The following DLG2 variants were observed in gnomAD, a reference collection of about 807,000 sequenced individuals.
The protein encoded by DLG2 is discs large MAGUK scaffold protein 2.
A neutral mutation model predicts 132.5 loss-of-function variants in DLG2; 45 were observed. That is an observed-to-expected ratio of 0.34 (90% confidence interval 0.27 to 0.44). DLG2 has a LOEUF of 0.44. Among genes scored for constraint, DLG2 ranks in the 20% least tolerant of loss-of-function variants. DLG2 has a pLI of 1.00. For synonymous variants in DLG2, 424 were observed against 419.6 expected (o/e 1.01, Z -0.13); for missense variants, 1,045 against 1,196.9 (o/e 0.87, Z 1.87).
chr11:85,322,087 C>A (rs919593704), intron 3 of DLG2, among the ~76,000 whole-genome samples: 2 of 152,052 alleles, frequency 1.3e-5, no homozygotes, highest in African/African-American at 2.4e-5. Context: ...ACTCTCCAAA[C>A]CTTATCATCA....
chr11:83,866,610 G>A (rs150739812), intron 16 of DLG2, among the ~76,000 whole-genome samples: 7 of 152,210 alleles, frequency 4.6e-5, no homozygotes, highest in African/African-American at 1.2e-4. Context: ...ATATAACAAC[G>A]AGGAGAAAGT....
At position 84,468,929 on chromosome 11, in the gene DLG2, T is replaced by C. The variant is rs543272492; in HGVS notation, c.519+65641A>G. ...GTAAGGAATTAGTAGGAAATTAGAATCAGGTAGTAAATTCCTAGTTCACCT... is the reference window on the plus strand; with the variant it reads ...GTAAGGAATTAGTAGGAAATTAGAACCAGGTAGTAAATTCCTAGTTCACCT... On this transcript the variant is annotated intron_variant, in intron 7 of 27. Transcript: ENST00000376104. Among the ~76,000 whole-genome samples the C allele has an allele frequency of 4.6e-5, 7 of 151,638 alleles. No homozygotes were observed. The South Asian group carries it at 1.5e-3, about 31-fold the overall frequency.
chr11:85,534,824 A>G (rs2075463139), intron 3 of DLG2, among the ~76,000 whole-genome samples: 1 of 152,170 alleles, frequency 6.6e-6, no homozygotes, highest in Non-Finnish European at 1.5e-5. Flanking sequence ...CTTTTTGGTA[A>G]AATAACTTAT....
chr11:84,549,715 A>G (rs1314280914), intron 6 of DLG2, among the ~76,000 whole-genome samples: 1 of 152,114 alleles, frequency 6.6e-6, no homozygotes, highest in Admixed American at 6.6e-5. Context: ...GCCTCCTAAC[A>G]GGTGCTTAGG....
rs554870324 is a variant in DLG2, at chr11:84,454,397, A to G, written c.519+80173T>C. The stretch of plus-strand genomic sequence containing the variant: ...TGTAGAATAGAACAATCGCTTTGGG[A>G]ATGTTAAATACTGCAACCACTTCAG... On this transcript the variant is annotated intron_variant, in intron 7 of 27. Transcript: ENST00000376104. Among the ~76,000 whole-genome samples the G allele has an allele frequency of 5.9e-5, 9 of 151,660 alleles. No individual in the cohort carries two copies. The South Asian group carries it at 1.9e-3, about 31-fold the overall frequency.
At chr11:84,642,194 T>C (rs2099668122) in intron 6 of DLG2, among the ~76,000 whole-genome samples, 1 of 149,750 alleles carries the variant, frequency 6.7e-6, no homozygotes, top group Admixed American at 6.6e-5. Context: ...GGAGCTTGAA[T>C]TACCAAACCT....
rs12288770 is a variant in DLG2 at position 83,930,162 on chromosome 11, C to T, written c.1496+166G>A. ...CAGGGAATAAAACAAAACAAAAAGG[C>T]AATGTTCTTAATTTCTCCCATTGCA... On this transcript the variant is annotated intron_variant, in intron 15 of 27. Coordinates refer to ENST00000376104, the MANE Select transcript of DLG2 (RefSeq NM_001142699.3). 8.7e-3 allele frequency among the ~76,000 whole-genome samples: 1,326 copies of T among 152,268 alleles called. 20 individuals are homozygous for T. Among genetic ancestry groups the T allele is most frequent in the African/African-American group, 0.029 (1,225 of 41,542 alleles).
At chr11:84,074,999 C>G (rs1381426842) in intron 10 of DLG2, among the ~76,000 whole-genome samples, 1 of 152,164 alleles carries the variant, frequency 6.6e-6, no homozygotes, top group Non-Finnish European at 1.5e-5. Flanking sequence ...TCCCCTAGCT[C>G]TGTCTCCTAG....
intron 18 of DLG2, among the ~76,000 whole-genome samples, chr11:83,783,792 A>G (rs372826969): frequency 2.0e-5 from 3 of 152,262 alleles, no homozygotes. Context: ...CCACATTTCC[A>G]TGGTGCACTC....
intron 6 of DLG2, among the ~76,000 whole-genome samples, chr11:84,821,871 C>T (rs1307161031): frequency 2.0e-5 from 3 of 151,554 alleles, no homozygotes; most frequent in African/African-American, 7.3e-5. Flanking sequence ...GGATGGAAAA[C>T]AATGCTAACT....
At chr11:83,874,166 GAAAGAGAA>G (rs2154067140) in intron 16 of DLG2, among the ~76,000 whole-genome samples, 1 of 141,294 alleles carries the variant, frequency 7.1e-6, no homozygotes, top group South Asian at 2.3e-4. Context: ...AAGAAAGATA[GAAAGAGAA>G]AGAGAGAAAA....
intron 18 of DLG2, among the ~76,000 whole-genome samples, chr11:83,783,108 G>C (rs538324184): frequency 6.6e-6 from 1 of 152,192 alleles, no homozygotes; most frequent in Admixed American, 6.5e-5. Context: ...CAAAGTAAGT[G>C]CATGATAAAA....
At chr11:85,537,575 C>T (rs1480043654) in intron 3 of DLG2, among the ~76,000 whole-genome samples, 1 of 149,182 alleles carries the variant, frequency 6.7e-6, no homozygotes, top group Non-Finnish European at 1.5e-5. Context: ...TCCAGACGTG[C>T]CACCTTTGTG....
Position 84,795,218 on chromosome 11 carries a change from C to T in DLG2, c.358-260487G>A, listed in dbSNP as rs187188738. ...TGACCTGCCTGTGGAGAGGAGCTCC[C>T]CACTGTGGGTCTCCTCTTTGCTTAG... On this transcript the variant is annotated intron_variant, in intron 6 of 27. Transcript: ENST00000376104. Among the ~76,000 whole-genome samples the T allele has an allele frequency of 2.6e-5, 4 of 152,322 alleles. No homozygotes were observed. In the East Asian group the frequency reaches 5.8e-4, roughly 22 times the overall value.
chr11:83,578,054 G>C (rs974129131), intron 19 of DLG2, among the ~76,000 whole-genome samples: 1 of 115,682 alleles, frequency 8.6e-6, no homozygotes, highest in Non-Finnish European at 1.7e-5. Context: ...GTGTGTGTGT[G>C]TGTATACATA....
chr11:84,179,342 G>A (rs1440636440), intron 8 of DLG2, among the ~76,000 whole-genome samples: 1 of 152,150 alleles, frequency 6.6e-6, no homozygotes, highest in Non-Finnish European at 1.5e-5. Flanking sequence ...CATCAGAGAA[G>A]TTAAGTTACA....
At chr11:84,799,826 C>G (rs923552680) in intron 6 of DLG2, among the ~76,000 whole-genome samples, 2 of 152,170 alleles carry the variant, frequency 1.3e-5, no homozygotes, top group Non-Finnish European at 1.5e-5. Flanking sequence ...TGCTTTCTAA[C>G]TTTGGTCTCT....
chr11:84,392,297 C>T (rs189695913), intron 7 of DLG2, among the ~76,000 whole-genome samples: 71 of 152,254 alleles, frequency 4.7e-4, no homozygotes, highest in Non-Finnish European at 9.4e-4. Context: ...AAGCCAGAGA[C>T]GTAGTGCAAT....
intron 4 of DLG2, among the ~76,000 whole-genome samples, chr11:85,251,557 T>C (rs1005647145): frequency 1.3e-5 from 2 of 152,110 alleles, no homozygotes; most frequent in African/African-American, 4.8e-5. Context: ...TTCACTGATA[T>C]CAAATAATAA....
Sources: gnomAD v4.1 joint callset for allele counts (sites outside exome capture counted in the v4.1 genomes callset) on GRCh38, gnomAD v4.1.1 for gene constraint, MANE v1.5 for transcripts, NCBI Gene and HGNC (gene_info 2026-07-23, HGNC 2026-07-21) for gene names.